DYNC1I2: variants seen among roughly 807,000 people sequenced by gnomAD.
The protein encoded by DYNC1I2 is dynein cytoplasmic 1 intermediate chain 2.
DYNC1I2 carries 53 observed loss-of-function variants against 88.6 expected under a neutral mutation model. The ratio of observed to expected loss-of-function variants is 0.60; its 90% CI spans 0.48 to 0.75. The LOEUF is 0.75. DYNC1I2 is among the 30% of genes least tolerant of loss of function. The pLI is 0.00. For missense variants in DYNC1I2, 458 were observed against 766.6 expected, an observed-to-expected ratio of 0.60 and a Z score of 4.75; for synonymous variants, 198 against 254.6, an observed-to-expected ratio of 0.78 and a Z score of 2.12.
At chr2:171,704,733 A>G (rs994741781) in intron 3 of DYNC1I2, among the ~76,000 whole-genome samples, 1 of 152,126 alleles carries the variant, frequency 6.6e-6, no homozygotes, top group South Asian at 2.1e-4. Context: ...GCATGCATTC[A>G]TTTGTTCTCA....
At chr2:171,742,044 C>T (rs1007822385) in intron 15 of DYNC1I2, among the ~76,000 whole-genome samples, 5 of 145,572 alleles carry the variant, frequency 3.4e-5, no homozygotes, top group Admixed American at 7.0e-5. Flanking sequence ...CCAACCTGGG[C>T]GACAGAGCGA....
At chr2:171,721,689 T>C (rs1394530599) in intron 7 of DYNC1I2, among the ~76,000 whole-genome samples, 1 of 152,214 alleles carries the variant, frequency 6.6e-6, no homozygotes, top group Non-Finnish European at 1.5e-5. Context: ...GAACTCAGTG[T>C]CAGCTTCCTT....
At chr2:171,728,241 G>A in intron 12 of DYNC1I2, 64 bp from the exon 13 acceptor site, 4 of 963,376 alleles carry the variant, frequency 4.2e-6, no homozygotes, top group Non-Finnish European at 4.5e-6. Context: ...CTTATAATTA[G>A]ACTAAAAATT....
intron 3 of DYNC1I2, among the ~76,000 whole-genome samples, chr2:171,704,562 C>G (rs1211309828): frequency 1.3e-5 from 2 of 152,110 alleles, no homozygotes; most frequent in African/African-American, 4.8e-5. Flanking sequence ...GATCATATCT[C>G]AGATACTTGG....
At chr2:171,692,976 T>G (rs1685504245) in intron 3 of DYNC1I2, 82 bp downstream of exon 3, 1 of 986,734 alleles carries the variant, frequency 1.0e-6, no homozygotes, top group East Asian at 2.6e-5. Context: ...ATTGACTTGA[T>G]ATATTTTACA....
intron 7 of DYNC1I2, among the ~76,000 whole-genome samples, chr2:171,723,516 T>C (rs1219578935): frequency 6.6e-6 from 1 of 152,234 alleles, no homozygotes; most frequent in African/African-American, 2.4e-5. Flanking sequence ...CAGGTGACTT[T>C]ATGGAAGAAT....
intron 1 of DYNC1I2, among the ~76,000 whole-genome samples, chr2:171,689,185 C>T (rs1685197288): frequency 6.6e-6 from 1 of 152,106 alleles, no homozygotes; most frequent in African/African-American, 2.4e-5. Flanking sequence ...ACAAAAATAA[C>T]TAAAAAACAG....
chr2:171,726,389 CAAT>C, intron 10 of DYNC1I2, 96 bp downstream of exon 10: 2 of 818,084 alleles, frequency 2.4e-6, no homozygotes, highest in Non-Finnish European at 3.8e-6. Context: ...TATAATAAAT[CAAT>C]ATGTGTTATT....
chr2:171,730,303 T>A (rs1688522256), intron 15 of DYNC1I2, among the ~76,000 whole-genome samples: 1 of 152,174 alleles, frequency 6.6e-6, no homozygotes, highest in Non-Finnish European at 1.5e-5. Flanking sequence ...TTACAATAAG[T>A]CCTGTATAAT....
chr2:171,749,247 G>A lies in DYNC1I2; in HGVS notation c.*1358G>A, dbSNP rs546376970. ...GTGTGATTTTAGCCAAGTCTGTGCCGCATTCTTTATATGTAGGAATTAAGT... is the reference window on the plus strand; with the variant it reads ...GTGTGATTTTAGCCAAGTCTGTGCCACATTCTTTATATGTAGGAATTAAGT... On this transcript the variant is annotated 3_prime_UTR_variant, in exon 18 of 18. Coordinates refer to ENST00000397119, the MANE Select transcript of DYNC1I2 (RefSeq NM_001378.3). 1.7e-3 allele frequency among the ~76,000 whole-genome samples: 253 copies of A among 152,176 alleles called. No homozygotes were observed. Among genetic ancestry groups the A allele is most frequent in the African/African-American group, 5.8e-3 (239 of 41,532 alleles).
chr2:171,697,313 C>T (rs1210659115), intron 3 of DYNC1I2, among the ~76,000 whole-genome samples: 3 of 152,112 alleles, frequency 2.0e-5, no homozygotes, highest in Admixed American at 6.6e-5. Context: ...TGAGCCACTA[C>T]ACCCTTCCTA....
chr2:171,745,558 T>G (rs1477705918), intron 16 of DYNC1I2, among the ~76,000 whole-genome samples: 1 of 152,206 alleles, frequency 6.6e-6, no homozygotes, highest in African/African-American at 2.4e-5. Context: ...CCTTTCAAAA[T>G]AATGTGTCTA....
intron 5 of DYNC1I2, among the ~76,000 whole-genome samples, chr2:171,710,940 A>G (rs1188682719): frequency 1.3e-5 from 2 of 150,880 alleles, no homozygotes; most frequent in African/African-American, 4.9e-5. Flanking sequence ...ACATATGTAT[A>G]CTTGTGCCAT....
At chr2:171,708,631 T>C (rs1019609449) in intron 5 of DYNC1I2, among the ~76,000 whole-genome samples, 1 of 152,156 alleles carries the variant, frequency 6.6e-6, no homozygotes, top group African/African-American at 2.4e-5. Flanking sequence ...TTCATTTTTA[T>C]AGGGTTAAAA....
At chr2:171,736,332 A>T (rs1276846047) in intron 15 of DYNC1I2, among the ~76,000 whole-genome samples, 1 of 152,182 alleles carries the variant, frequency 6.6e-6, no homozygotes, top group Non-Finnish European at 1.5e-5. Flanking sequence ...GGGAGTGCTA[A>T]CCGGAACTAA....
At chr2:171,745,438 G>C (rs1307719199) in intron 16 of DYNC1I2, among the ~76,000 whole-genome samples, 1 of 152,144 alleles carries the variant, frequency 6.6e-6, no homozygotes, top group Non-Finnish European at 1.5e-5. Flanking sequence ...TGCTTATGAG[G>C]GCTTTTGAAG....
In DYNC1I2 at chr2:171,728,776, C is replaced by T. The variant is rs1345407742; in HGVS notation, c.1317C>T (p.Phe439=). 2.5e-6 allele frequency: 4 copies of T among 1,610,260 alleles called. No homozygotes were observed. The highest frequency in any genetic ancestry group is 2.2e-5 in the East Asian group (1 of 44,748). The change falls in exon 14 of 18, where the codon TTC becomes TTT. Residue 439 remains phenylalanine, a synonymous_variant. Coordinates refer to ENST00000397119, the MANE Select transcript of DYNC1I2 (RefSeq NM_001378.3). The part of the protein sequence containing the change: ...SKAVAVTSMS[F]PVGDVNNFVV... The stretch of plus-strand genomic sequence containing the variant: ...CAGTAGCTGTGACATCTATGTCCTT[C>T]CCTGTTGGAGATGTCAACAACTTTG...
Position 171,713,254 on chromosome 2 carries a change from CTATT to C in DYNC1I2, c.395+433_395+436del, listed in dbSNP as rs540614156. Among the ~76,000 whole-genome samples, 95 of 152,102 alleles carry C rather than the reference CTATT, an allele frequency of 6.2e-4. No individual in the cohort carries two copies. The South Asian group carries it at 0.01, about 16-fold the overall frequency. ...CCTTACACTGTTCATTCATTCATTA[CTATT>C]TATTCATGAATCTAGAATAAAACTA... On this transcript the variant is annotated intron_variant, in intron 6 of 17. Transcript: ENST00000397119.
At chr2:171,699,165 G>C (rs1444880764) in intron 3 of DYNC1I2, among the ~76,000 whole-genome samples, 1 of 152,022 alleles carries the variant, frequency 6.6e-6, no homozygotes, top group Non-Finnish European at 1.5e-5. Context: ...AAATTAGCTG[G>C]GCATGGTGGC....
Sources: allele counts gnomAD v4.1 joint callset (sites outside exome capture counted in the v4.1 genomes callset), GRCh38; gene constraint gnomAD v4.1.1; transcripts MANE v1.5; gene names NCBI Gene and HGNC (gene_info 2026-07-23, HGNC 2026-07-21).